Variants in AUTS2 observed in about 807,000 individuals in gnomAD.
AUTS2 encodes the protein activator of transcription and developmental regulator AUTS2, also known as autism susceptibility gene 2 protein.
Under a neutral mutation model 112.4 loss-of-function variants are expected in AUTS2, and 17 were observed. The ratio of observed to expected loss-of-function variants is 0.15; its 90% CI spans 0.10 to 0.23. The LOEUF (loss-of-function observed/expected upper bound fraction) is 0.23. Among genes scored for constraint, AUTS2 ranks in the 10% least tolerant of loss-of-function variants. AUTS2 has a pLI of 1.00. For synonymous variants in AUTS2, 751 were observed against 702.7 expected (o/e 1.07, Z -1.09); for missense variants, 1,510 against 1,701.6 (o/e 0.89, Z 1.98).
intron 10 of AUTS2, among the ~76,000 whole-genome samples, chr7:70,769,680 A>G (rs1197246348): frequency 1.3e-5 from 2 of 152,056 alleles, no homozygotes; most frequent in Admixed American, 6.5e-5. Context: ...GCAAGACTCC[A>G]TTTCAAAAAA....
chr7:69,740,684 T>A (rs1787227014), intron 1 of AUTS2, among the ~76,000 whole-genome samples: 1 of 151,880 alleles, frequency 6.6e-6, no homozygotes, highest in Non-Finnish European at 1.5e-5. Flanking sequence ...CCACCATGCC[T>A]GGCTAATTTT....
rs765428815 is a variant in AUTS2 at position 70,790,225 on chromosome 7, G to A, written c.3009G>A (p.Ser1003=). The change falls in exon 19 of 19, where the codon TCG becomes TCA. Residue 1003 remains serine, a synonymous_variant. Transcript: ENST00000342771. The surrounding 1 kb of genome is among the most constrained non-coding windows in gnomAD (Gnocchi z 7.6). Reference sequence around the variant, plus strand: ...AGGCCCCGCAGACCCACCGGGCCTCGGAGCCGCCGCCTCCCAACTCCTCGT... The same window carrying A: ...AGGCCCCGCAGACCCACCGGGCCTCAGAGCCGCCGCCTCCCAACTCCTCGT... ...PPEAPQTHRA[S]EPPPPNSSSS... 36 of 1,612,344 alleles carry A rather than the reference G, an allele frequency of 2.2e-5. No homozygotes were observed. The highest frequency in any genetic ancestry group is 2.8e-5 in the Non-Finnish European group (33 of 1,179,724).
At chr7:70,342,139 T>C (rs1405547817) in intron 4 of AUTS2, among the ~76,000 whole-genome samples, 1 of 152,116 alleles carries the variant, frequency 6.6e-6, no homozygotes, top group African/African-American at 2.4e-5. Context: ...CTGTCCTCTC[T>C]CTCTCCCTGC....
intron 1 of AUTS2, among the ~76,000 whole-genome samples, chr7:69,676,739 G>A (rs1398895823): frequency 1.3e-5 from 2 of 151,760 alleles, no homozygotes. Flanking sequence ...TCTCTTTTTA[G>A]TTAATTTTTC....
intron 5 of AUTS2, among the ~76,000 whole-genome samples, chr7:70,456,036 C>T (rs1306673412): frequency 6.6e-6 from 1 of 152,194 alleles, no homozygotes; most frequent in Non-Finnish European, 1.5e-5. Context: ...GGTACTAATA[C>T]CTGCCTCACA....
intron 2 of AUTS2, among the ~76,000 whole-genome samples, chr7:70,084,052 C>G (rs1387177489): frequency 6.6e-6 from 1 of 151,886 alleles, no homozygotes; most frequent in South Asian, 2.1e-4. Flanking sequence ...AGCTTATTCC[C>G]TGGCAAAAAA....
At chr7:70,100,218 A>G (rs999483496) in intron 2 of AUTS2, among the ~76,000 whole-genome samples, 2 of 152,170 alleles carry the variant, frequency 1.3e-5, no homozygotes, top group African/African-American at 4.8e-5. Flanking sequence ...AGAGTGTGTC[A>G]TCTTCATTTA....
intron 5 of AUTS2, among the ~76,000 whole-genome samples, chr7:70,646,471 A>G (rs1806166448): frequency 6.6e-6 from 1 of 152,238 alleles, no homozygotes; most frequent in Admixed American, 6.5e-5. Context: ...GACGGTCCCA[A>G]GTCAAATGTC....
Position 70,143,334 on chromosome 7 carries a change from A to G in AUTS2, c.660+8763A>G, listed in dbSNP as rs1806958210. Among the ~76,000 whole-genome samples, 4 of 152,192 alleles carry G rather than the reference A, an allele frequency of 2.6e-5. No homozygotes were observed. The South Asian group carries it at 8.3e-4, about 32-fold the overall frequency. On this transcript the variant is annotated intron_variant, in intron 4 of 18. Transcript: ENST00000342771. ...TAAAATGTGTTTTGCTCAGGTAAAA[A>G]TGTTTATCCATTTAAAATACAATGT...
chr7:69,876,724 C>T (rs1793821213), intron 1 of AUTS2, among the ~76,000 whole-genome samples: 1 of 151,302 alleles, frequency 6.6e-6, no homozygotes. Context: ...ACTTTTACTA[C>T]AGGAATTGAC....
chr7:70,290,485 G>C (rs749105983), intron 4 of AUTS2: 1 of 1,539,812 alleles, frequency 6.5e-7, no homozygotes, highest in Non-Finnish European at 8.8e-7. Flanking sequence ...CTTTTCTCTC[G>C]TCAAATTGCT....
intron 4 of AUTS2, among the ~76,000 whole-genome samples, chr7:70,269,551 G>C (rs1289309775): frequency 1.3e-5 from 2 of 152,174 alleles, no homozygotes; most frequent in Non-Finnish European, 2.9e-5. Flanking sequence ...CTTTAAGCAA[G>C]TTATTTGACT....
In AUTS2 at chr7:70,642,146, T is replaced by C. The variant is rs377570457; in HGVS notation, c.691-56423T>C. On this transcript the variant is annotated intron_variant, in intron 5 of 18. Coordinates refer to ENST00000342771, the MANE Select transcript of AUTS2 (RefSeq NM_015570.4). ...TTTGCCATCTTGATAGTATAAAGTA[T>C]TATAAGGAGTTGACCATTTTTCTGA... Among the ~76,000 whole-genome samples the C allele has an allele frequency of 6.0e-4, 92 of 152,352 alleles. 3 individuals carry two copies. In the South Asian group the frequency reaches 0.018, roughly 29 times the overall value.
At chr7:70,570,394 A>C (rs1387049686) in intron 5 of AUTS2, among the ~76,000 whole-genome samples, 1 of 152,158 alleles carries the variant, frequency 6.6e-6, no homozygotes, top group Non-Finnish European at 1.5e-5. Context: ...GAGAACTTGC[A>C]CCCTGGGAAA....
At chr7:70,385,587 G>T (rs1447045642) in intron 4 of AUTS2, among the ~76,000 whole-genome samples, 2 of 152,050 alleles carry the variant, frequency 1.3e-5, no homozygotes, top group Non-Finnish European at 2.9e-5. Flanking sequence ...AAAGTATAAG[G>T]ACCAAGGAGG....
chr7:69,624,550 A>T (rs1319579559), intron 1 of AUTS2, among the ~76,000 whole-genome samples: 4 of 152,222 alleles, frequency 2.6e-5, no homozygotes, highest in Non-Finnish European at 5.9e-5. Context: ...AAGGACCTCA[A>T]GCAAACCCTG....
At chr7:69,736,993 G>A (rs902480983) in intron 1 of AUTS2, among the ~76,000 whole-genome samples, 2 of 152,120 alleles carry the variant, frequency 1.3e-5, no homozygotes, top group African/African-American at 4.8e-5. Context: ...GGTTATTCCG[G>A]GAAAATCAGA....
At chr7:69,761,080 C>T (rs986451563) in intron 1 of AUTS2, among the ~76,000 whole-genome samples, 3 of 152,156 alleles carry the variant, frequency 2.0e-5, no homozygotes, top group African/African-American at 7.2e-5. Flanking sequence ...TTGCTTTCTC[C>T]TTTCCCCTCT....
intron 4 of AUTS2, among the ~76,000 whole-genome samples, chr7:70,375,025 C>T (rs1201996683): frequency 6.6e-6 from 1 of 152,202 alleles, no homozygotes; most frequent in African/African-American, 2.4e-5. Flanking sequence ...TGCCCCGATG[C>T]TCCCTGCACC....
Sources: gnomAD v4.1 joint callset for allele counts (sites outside exome capture counted in the v4.1 genomes callset) on GRCh38, gnomAD v4.1.1 for gene constraint, Gnocchi (gnomAD v3.1) non-coding constraint, MANE v1.5 for transcripts, NCBI Gene and HGNC (gene_info 2026-07-23, HGNC 2026-07-21) for gene names.